Variants in SPEF2 observed in about 807,000 individuals in gnomAD.
SPEF2 encodes sperm flagella and cilia-associated protein 2.
A neutral mutation model predicts 224.6 loss-of-function variants in SPEF2; 187 were observed. The ratio of observed to expected loss-of-function variants is 0.83; its 90% CI spans 0.74 to 0.94. The LOEUF (loss-of-function observed/expected upper bound fraction) is 0.94. SPEF2 is among the 40% of genes least tolerant of loss of function. The probability of loss-of-function intolerance (pLI) is 0.00; values close to 1 mark genes in which losing one functional copy is unlikely to be tolerated. For missense variants in SPEF2, 2,170 were observed against 2,135.6 expected, an observed-to-expected ratio of 1.02 and a Z score of -0.32; for synonymous variants, 715 against 707.3, an observed-to-expected ratio of 1.01 and a Z score of -0.17.
intron 36 of SPEF2, 24 bp downstream of exon 36, chr5:35,807,277 T>C (rs1365758697): frequency 2.3e-5 from 37 of 1,600,200 alleles, no homozygotes; most frequent in Non-Finnish European, 3.1e-5. Context: ...CAAAGTGCTC[T>C]AATTTGGTTG....
chr5:35,785,503 AT>A (rs1754977413), intron 30 of SPEF2, among the ~76,000 whole-genome samples: 3 of 151,728 alleles, frequency 2.0e-5, no homozygotes, highest in African/African-American at 4.8e-5. Flanking sequence ...AATTTTTTTA[AT>A]TTTAATTTTA....
intron 33 of SPEF2, among the ~76,000 whole-genome samples, chr5:35,798,941 C>G (rs1757047192): frequency 6.6e-6 from 1 of 152,116 alleles, no homozygotes; most frequent in South Asian, 2.1e-4. Flanking sequence ...GTTGGATTTT[C>G]CAAATATCGG....
intron 3 of SPEF2, 78 bp downstream of exon 3, chr5:35,641,761 T>C (rs966240171): frequency 3.4e-6 from 5 of 1,480,380 alleles, no homozygotes; most frequent in African/African-American, 1.4e-5. Flanking sequence ...TATTGAATTC[T>C]CAAAGAAGCC....
chr5:35,705,569 C>CGCATG, intron 17 of SPEF2, 82 bp from the exon 18 acceptor site: 1 of 973,720 alleles, frequency 1.0e-6, no homozygotes, highest in East Asian at 2.9e-5. Flanking sequence ...CTTTTCATTA[C>CGCATG]GCATGTCGGA....
chr5:35,767,343 A>T (rs1033212393), intron 26 of SPEF2, among the ~76,000 whole-genome samples: 1 of 151,948 alleles, frequency 6.6e-6, no homozygotes, highest in Admixed American at 6.6e-5. Context: ...TATATGTCAT[A>T]TCTTTTCATC....
rs544416127 is a variant in SPEF2 at position 35,644,190 on chromosome 5, A to G, written c.415-165A>G. 3.3e-5 allele frequency among the ~76,000 whole-genome samples: 5 copies of G among 152,328 alleles called. No individual in the cohort carries two copies. In the South Asian group the frequency reaches 6.2e-4, roughly 19 times the overall value. ...ATAATGTTTTTATAATTGTGCTTAC[A>G]TCAATTAAGAATATGAGTAATTGGA... On this transcript the variant is annotated intron_variant, in intron 3 of 36. Coordinates refer to ENST00000356031, the MANE Select transcript of SPEF2 (RefSeq NM_024867.4).
intron 1 of SPEF2, among the ~76,000 whole-genome samples, chr5:35,619,920 G>T (rs1367819036): frequency 6.6e-6 from 1 of 152,070 alleles, no homozygotes; most frequent in Non-Finnish European, 1.5e-5. Flanking sequence ...CAACATTTAG[G>T]CTATGGATAG....
At chr5:35,645,412 C>T (rs553137909) in intron 4 of SPEF2, among the ~76,000 whole-genome samples, 12 of 152,202 alleles carry the variant, frequency 7.9e-5, no homozygotes, top group South Asian at 4.2e-4. Context: ...ACTGTAAAAA[C>T]GGGGATGCTT....
chr5:35,700,791 A>T, intron 16 of SPEF2, 39 bp downstream of exon 16: 1 of 1,601,610 alleles, frequency 6.2e-7, no homozygotes, highest in Non-Finnish European at 8.5e-7. Flanking sequence ...TTTTACAATG[A>T]AAACTCTTTG....
intron 10 of SPEF2, among the ~76,000 whole-genome samples, chr5:35,681,543 AT>A (rs1163361247): frequency 6.6e-6 from 1 of 152,198 alleles, no homozygotes; most frequent in Admixed American, 6.5e-5. Flanking sequence ...ATCTTTTATT[AT>A]TTGTTGTCCC....
rs1032028556 is a variant in SPEF2 at position 35,730,529 on chromosome 5, G to A, written c.3063+2706G>A. Reference sequence around the variant, plus strand: ...GAGGCTGACAGACATAGGACTCTACGGCCAAAAGTATAACTCAGATTAAAG... The same window carrying A: ...GAGGCTGACAGACATAGGACTCTACAGCCAAAAGTATAACTCAGATTAAAG... On this transcript the variant is annotated intron_variant, in intron 21 of 36. Transcript: ENST00000356031. Among the ~76,000 whole-genome samples, 12 of 152,332 alleles carry A rather than the reference G, an allele frequency of 7.9e-5. No individual in the cohort carries two copies. In the South Asian group the frequency reaches 1.4e-3, roughly 18 times the overall value.
chr5:35,702,037 A>G (rs1738745437), intron 16 of SPEF2: 1 of 388,706 alleles, frequency 2.6e-6, no homozygotes, highest in African/African-American at 2.1e-5. Flanking sequence ...GAGCAAAGGA[A>G]TAAGTGTTTA....
At chr5:35,779,683 G>C (rs1202757588) in intron 30 of SPEF2, among the ~76,000 whole-genome samples, 7 of 152,160 alleles carry the variant, frequency 4.6e-5, no homozygotes, top group Non-Finnish European at 1.0e-4. Flanking sequence ...TTCTAGTTTA[G>C]ATTTTATATT....
At chr5:35,790,043 A>G (rs1755738617) in intron 30 of SPEF2, 1 of 702,378 alleles carries the variant, frequency 1.4e-6, no homozygotes, top group African/African-American at 1.7e-5. Flanking sequence ...ACATTCGAAA[A>G]TTGACCTGGG....
intron 20 of SPEF2, among the ~76,000 whole-genome samples, chr5:35,714,405 C>G (rs1742083710): frequency 6.6e-6 from 1 of 151,486 alleles, no homozygotes; most frequent in Non-Finnish European, 1.5e-5. Context: ...TTTTAAAAGC[C>G]TATTTATGAG....
At position 35,751,092 on chromosome 5, in the gene SPEF2, CACACATAT is replaced by C. The variant is rs1326476586; in HGVS notation, c.3331-2530_3331-2523del. Among the ~76,000 whole-genome samples, 4 of 54,732 alleles carry C rather than the reference CACACATAT, an allele frequency of 7.3e-5. 1 individual carries two copies. The highest frequency in any genetic ancestry group is 3.0e-4 in the African/African-American group (4 of 13,476). The allele number at this position is 54,732 out of a possible 152,430, so 35.9% of individuals were successfully genotyped here. A position where few individuals can be genotyped will look rare whatever the true frequency, so the allele number is the denominator to read the frequency against. ...GTATATATATATACACACACACACA[CACACATAT>C]ATATATATATATATATATGATGGAA... On this transcript the variant is annotated intron_variant, in intron 23 of 36. Transcript: ENST00000356031.
chr5:35,749,286 C>T (rs1359582581), intron 23 of SPEF2, among the ~76,000 whole-genome samples: 1 of 152,204 alleles, frequency 6.6e-6, no homozygotes, highest in East Asian at 1.9e-4. Context: ...CCTCTGAAAA[C>T]TGGAACAAGA....
chr5:35,664,254 G>A (rs374025695), intron 8 of SPEF2, among the ~76,000 whole-genome samples: 18 of 135,814 alleles, frequency 1.3e-4, no homozygotes, highest in East Asian at 1.3e-3. Context: ...GCAGTACCAC[G>A]TTTGCTCTTG....
intron 25 of SPEF2, among the ~76,000 whole-genome samples, chr5:35,760,370 A>G (rs1400935233): frequency 6.6e-6 from 1 of 152,106 alleles, no homozygotes; most frequent in Non-Finnish European, 1.5e-5. Context: ...CTAAAAAAAA[A>G]AAAAAAATTA....
Sources: allele counts gnomAD v4.1 joint callset (sites outside exome capture counted in the v4.1 genomes callset), GRCh38; gene constraint gnomAD v4.1.1; transcripts MANE v1.5; gene names NCBI Gene and HGNC (gene_info 2026-07-23, HGNC 2026-07-21).